ZNF282: variants seen among roughly 807,000 people sequenced by gnomAD.
The protein encoded by ZNF282 is zinc finger protein 282, also known as HTLV-I U5 repressive element-binding protein 1.
ZNF282 carries 30 observed loss-of-function variants against 61.9 expected under a neutral mutation model. The observed-to-expected ratio is 0.48, with a 90% CI of 0.36 to 0.66. The LOEUF is 0.66. Among genes scored for constraint, ZNF282 ranks in the 30% least tolerant of loss-of-function variants. The pLI is 0.00. For synonymous variants in ZNF282, 396 were observed against 405.0 expected (o/e 0.98, Z 0.27); for missense variants, 788 against 941.4 (o/e 0.84, Z 2.13).
In ZNF282 at chr7:149,224,362, G is replaced by A. The variant is rs766992381; in HGVS notation, c.1731G>A (p.Ser577=). ...GCGGCGAGCGGCCCTACAAGTGCTC[G>A]GAGTGCGAGAAGACCTACAGCCGTA... ...THRGERPYKC[S]ECEKTYSRKE... The change falls in exon 8 of 8, where the codon TCG becomes TCA. Residue 577 remains serine, a synonymous_variant. Transcript: ENST00000610704. 31 of 1,613,430 alleles carry A rather than the reference G, an allele frequency of 1.9e-5. No homozygotes were observed. The South Asian group carries it at 2.7e-4, about 14-fold the overall frequency.
intron 4 of ZNF282, among the ~76,000 whole-genome samples, chr7:149,209,261 G>T (rs1012339462): frequency 3.3e-5 from 5 of 151,686 alleles, no homozygotes; most frequent in African/African-American, 7.3e-5. Context: ...GGCGGAGCTT[G>T]CAGTGAGCCG....
Position 149,195,643 on chromosome 7 carries a change from G to C in ZNF282, c.54G>C (p.Leu18=), listed in dbSNP as rs1412706574. 1 of 1,607,446 alleles carries C rather than the reference G, an allele frequency of 6.2e-7. No homozygotes were observed. Among genetic ancestry groups the C allele is most frequent in the Admixed American group, 1.7e-5 (1 of 59,592 alleles). The change falls in exon 1 of 8, where the codon CTG becomes CTC. Residue 18 remains leucine, a synonymous_variant. Coordinates refer to ENST00000610704, the MANE Select transcript of ZNF282 (RefSeq NM_003575.4). ...CTCAGCAGCTGGGCATCCAGGGCCT[G>C]GGGCTGGACAGCGGGAGCTGGAGCT... ...PQPQQLGIQG[L]GLDSGSWSWA...
chr7:149,224,675 A>G lies in ZNF282; in HGVS notation c.*28A>G. 1 of 1,472,228 alleles carries G rather than the reference A, an allele frequency of 6.8e-7. No individual in the cohort carries two copies. The highest frequency in any genetic ancestry group is 1.4e-5 in the South Asian group (1 of 73,972). 91.2% of individuals were successfully genotyped at this position (1,472,228 alleles called of 1,614,324 possible). The stretch of plus-strand genomic sequence containing the variant: ...CTGGGCTGGGGGAGGGCAGGGCCGG[A>G]CGGAGTGGATCGGGGGCGGCCTGAG... On this transcript the variant is annotated 3_prime_UTR_variant, in exon 8 of 8. Transcript: ENST00000610704.
chr7:149,224,588 A>AGCG lies in ZNF282; in HGVS notation c.1963_1965dup (p.Gly655dup), dbSNP rs1563182492. ...GCTCAAGGACCACCTGCGCGTGCAC[A>AGCG]GCGGCGGCCCGGGCCCCGGCGCCCC... On this transcript the variant is annotated inframe_insertion, in exon 8 of 8. Transcript: ENST00000610704. 1 of 1,582,154 alleles carries AGCG rather than the reference A, an allele frequency of 6.3e-7. No homozygotes were observed. The highest frequency in any genetic ancestry group is 8.6e-7 in the Non-Finnish European group (1 of 1,168,316).
intron 7 of ZNF282, among the ~76,000 whole-genome samples, chr7:149,214,056 TTC>T (rs1796126540): frequency 1.3e-5 from 2 of 152,190 alleles, no homozygotes; most frequent in African/African-American, 4.8e-5. Context: ...TAGAAATTTA[TTC>T]TCTCACAGTT....
intron 7 of ZNF282, among the ~76,000 whole-genome samples, chr7:149,220,964 G>A (rs1186699310): frequency 6.9e-6 from 1 of 145,294 alleles, no homozygotes; most frequent in Non-Finnish European, 1.5e-5. Context: ...CTGTCACCCA[G>A]GCTGGAGTAC....
At position 149,198,202 on chromosome 7, in the gene ZNF282, C is replaced by T; in HGVS notation, c.166-131C>T. The T allele has an allele frequency of 9.3e-7, 1 of 1,072,538 alleles. No homozygotes were observed. Among genetic ancestry groups the T allele is most frequent in the Non-Finnish European group, 1.3e-6 (1 of 757,184 alleles). The allele number at this position is 1,072,538 out of a possible 1,614,324, so 66.4% of individuals were successfully genotyped here. ...GCTGTTGCTGGGGGTGTTAGTGTAT[C>T]CTGAGTTACGGGGGCCTGGCAGAAG... On this transcript the variant is annotated intron_variant, in intron 1 of 7. Coordinates refer to ENST00000610704, the MANE Select transcript of ZNF282 (RefSeq NM_003575.4). This position sits in a 1 kb window ranked among gnomAD's most constrained non-coding sequence, Gnocchi z 4.3.
intron 7 of ZNF282, 32 bp from the exon 8 acceptor site, chr7:149,223,778 CCT>C (rs1796299762): frequency 6.8e-7 from 1 of 1,471,022 alleles, no homozygotes; most frequent in Non-Finnish European, 8.9e-7. Context: ...GCCGAGAACC[CCT>C]GTCAGCATGT....
At position 149,198,828 on chromosome 7, in the gene ZNF282, C is replaced by T; in HGVS notation, c.585+76C>T. ...CATAAAATTCTTGATTTCATTTTGT[C>T]AGCCCTTCTCATAAACTTCTCTGGC... On this transcript the variant is annotated intron_variant, in intron 2 of 7. Coordinates refer to ENST00000610704, the MANE Select transcript of ZNF282 (RefSeq NM_003575.4). This position sits in a 1 kb window ranked among gnomAD's most constrained non-coding sequence, Gnocchi z 4.3. The T allele has an allele frequency of 1.3e-6, 2 of 1,508,638 alleles. No homozygotes were observed. Among genetic ancestry groups the T allele is most frequent in the Non-Finnish European group, 1.8e-6 (2 of 1,132,656 alleles). 93.5% of individuals were successfully genotyped at this position (1,508,638 alleles called of 1,614,324 possible). A position where few individuals can be genotyped will look rare whatever the true frequency, so the allele number is the denominator to read the frequency against.
intron 7 of ZNF282, among the ~76,000 whole-genome samples, chr7:149,217,786 G>A (rs1255023123): frequency 2.6e-5 from 4 of 152,098 alleles, no homozygotes; most frequent in African/African-American, 4.8e-5. Flanking sequence ...CTTGGCAGTG[G>A]GAAGGAGCCG....
At position 149,226,155 on chromosome 7, in the gene ZNF282, A is replaced by G. The variant is rs1796371920; in HGVS notation, c.*1508A>G. On this transcript the variant is annotated 3_prime_UTR_variant, in exon 8 of 8. Transcript: ENST00000610704. ...GCAAAGGGAATTCTTGACATTAAAT[A>G]AAAGGTATCCAGATTGCAGACTGCA... The G allele has an allele frequency of 6.5e-6, 1 of 152,682 alleles. No homozygotes were observed. Among genetic ancestry groups the G allele is most frequent in the South Asian group, 2.1e-4 (1 of 4,826 alleles). The allele number at this position is 152,682 out of a possible 1,614,324, so 9.5% of individuals were successfully genotyped here.
At chr7:149,209,790 G>A (rs771643251) in intron 4 of ZNF282, among the ~76,000 whole-genome samples, 2 of 152,134 alleles carry the variant, frequency 1.3e-5, no homozygotes, top group Non-Finnish European at 2.9e-5. Context: ...AAAAGGCCCT[G>A]TTTGTTGCAT....
rs1563182104 is a variant in ZNF282 at position 149,224,101 on chromosome 7, G to GGGGGCA, written c.1473_1478dup (p.Ala492_Gly493dup). ...GGGGCGGCGGCGCGGAGGCGGGGAC[G>GGGGGCA]GGGGCAGGCGGCGGCTGTGGCAGCT... On this transcript the variant is annotated inframe_insertion, in exon 8 of 8. Transcript: ENST00000610704. 5.0e-6 allele frequency: 7 copies of GGGGGCA among 1,389,714 alleles called. No homozygotes were observed. In the Admixed American group the frequency reaches 1.9e-4, roughly 37 times the overall value. The allele number at this position is 1,389,714 out of a possible 1,614,324, so 86.1% of individuals were successfully genotyped here. A position where few individuals can be genotyped will look rare whatever the true frequency, so the allele number is the denominator to read the frequency against.
intron 7 of ZNF282, among the ~76,000 whole-genome samples, chr7:149,221,755 G>A (rs1029781551): frequency 3.9e-5 from 6 of 152,114 alleles, no homozygotes; most frequent in African/African-American, 1.4e-4. Flanking sequence ...GAGACAGAGA[G>A]GGAGGGCAGG....
At chr7:149,217,447 C>T (rs551359774) in intron 7 of ZNF282, among the ~76,000 whole-genome samples, 52 of 152,262 alleles carry the variant, frequency 3.4e-4, no homozygotes, top group Middle Eastern at 6.8e-3. Context: ...ACCTGTAACT[C>T]CAGCTACTTG....
At position 149,198,993 on chromosome 7, in the gene ZNF282, G is replaced by A. The variant is rs773739988; in HGVS notation, c.585+241G>A. 1.3e-5 allele frequency among the ~76,000 whole-genome samples: 2 copies of A among 152,186 alleles called. No individual in the cohort carries two copies. The highest frequency in any genetic ancestry group is 2.9e-5 in the Non-Finnish European group (2 of 68,032). ...CTGTCTGGGAGCCTTTGCTCTCGCT[G>A]TTCCTAGACCCCTCTGAGTTGTCTG... On this transcript the variant is annotated intron_variant, in intron 2 of 7. Transcript: ENST00000610704. This position sits in a 1 kb window ranked among gnomAD's most constrained non-coding sequence, Gnocchi z 4.3.
intron 3 of ZNF282, 119 bp from the exon 4 acceptor site, chr7:149,207,232 C>A: frequency 7.4e-7 from 1 of 1,345,702 alleles, no homozygotes; most frequent in Non-Finnish European, 1.0e-6. Context: ...ATAACTGCTG[C>A]CAAAGAGGGA....
At chr7:149,211,625 A>G (rs1021810631) in intron 5 of ZNF282, among the ~76,000 whole-genome samples, 2 of 152,242 alleles carry the variant, frequency 1.3e-5, no homozygotes. Context: ...TAAAATCAAC[A>G]ATCATGAGAC....
Position 149,224,932 on chromosome 7 carries a change from C to G in ZNF282, c.*285C>G, listed in dbSNP as rs1454596137. ...CACACCTCCTCGAGTGCCCTGGGAC[C>G]ACTGGGCCACAGATGGTCATCAGGG... On this transcript the variant is annotated 3_prime_UTR_variant, in exon 8 of 8. Transcript: ENST00000610704. 4.5e-6 allele frequency: 2 copies of G among 440,396 alleles called. No homozygotes were observed. 27.3% of individuals were successfully genotyped at this position (440,396 alleles called of 1,614,324 possible).
Sources: gnomAD v4.1 joint callset for allele counts (sites outside exome capture counted in the v4.1 genomes callset) on GRCh38, gnomAD v4.1.1 for gene constraint, Gnocchi (gnomAD v3.1) non-coding constraint, MANE v1.5 for transcripts, NCBI Gene and HGNC (gene_info 2026-07-23, HGNC 2026-07-21) for gene names.